GGPS1: variants seen among roughly 807,000 people sequenced by gnomAD.
GGPS1 encodes the protein geranylgeranyl pyrophosphate synthase.
Under a neutral mutation model 28.1 loss-of-function variants are expected in GGPS1, and 15 were observed. That is an observed-to-expected ratio of 0.53 (90% CI 0.36 to 0.82). The LOEUF is 0.82. GGPS1 is among the 40% of genes least tolerant of loss of function. GGPS1 has a pLI of 0.01. For missense variants in GGPS1, 284 were observed against 348.3 expected (o/e 0.82, Z 1.47); for synonymous variants, 138 against 122.4 (o/e 1.13, Z -0.84).
rs1177275683 is a variant in GGPS1 at position 235,342,477 on chromosome 1, G to T, written c.608G>T (p.Ser203Ile). Residue 203 changes from serine to isoleucine, a missense_variant, in exon 4 of 4, where the codon AGT becomes ATT. Transcript: ENST00000282841. ...TCCAAAGAATATAGTGAAAACAAAA[G>T]TTTTTGTGAAGATCTGACAGAGGGA... ...LHSKEYSENK[S>I]FCEDLTEGKF... 6.2e-7 allele frequency: 1 copy of T among 1,613,532 alleles called. No individual in the cohort carries two copies. The highest frequency in any genetic ancestry group is 8.5e-7 in the Non-Finnish European group (1 of 1,179,816).
chr1:235,342,755 A>G lies in GGPS1; in HGVS notation c.886A>G (p.Lys296Glu). Reference protein sequence around the residue: ...ALVKHLSKMFKEENE With the variant: ...ALVKHLSKMFEEENE ...AGTAAAACACTTAAGTAAGATGTTC[A>G]AAGAAGAAAATGAATAATGTTAAGC... The change falls in exon 4 of 4, where the codon AAA (lysine) becomes GAA (glutamate). Residue 296 changes from lysine to glutamate, a missense_variant. Coordinates refer to ENST00000282841, the MANE Select transcript of GGPS1 (RefSeq NM_004837.4). 2 of 1,578,672 alleles carry G rather than the reference A, an allele frequency of 1.3e-6. No individual in the cohort carries two copies. Among genetic ancestry groups the G allele is most frequent in the Non-Finnish European group, 1.7e-6 (2 of 1,164,932 alleles).
intron 1 of GGPS1, among the ~76,000 whole-genome samples, chr1:235,332,968 T>G (rs1675760240): frequency 6.8e-6 from 1 of 147,546 alleles, no homozygotes; most frequent in Non-Finnish European, 1.5e-5. Context: ...CTCAGAAGGC[T>G]GAGTCAGGAG....
intron 2 of GGPS1, among the ~76,000 whole-genome samples, chr1:235,338,106 C>T (rs934130925): frequency 6.6e-6 from 1 of 152,020 alleles, no homozygotes; most frequent in Non-Finnish European, 1.5e-5. Context: ...CTCAGCCAGG[C>T]GCGGTGGCTC....
chr1:235,331,689 G>A (rs1288164242), intron 1 of GGPS1, among the ~76,000 whole-genome samples: 3 of 147,212 alleles, frequency 2.0e-5, no homozygotes, highest in African/African-American at 7.6e-5. Flanking sequence ...AGGTTTCTGT[G>A]ACCCATGAGA....
At chr1:235,339,329 G>T (rs1299656774) in intron 2 of GGPS1, among the ~76,000 whole-genome samples, 1 of 151,680 alleles carries the variant, frequency 6.6e-6, no homozygotes, top group South Asian at 2.1e-4. Context: ...TTAGCTAGGC[G>T]TAGTGACGCA....
chr1:235,332,565 G>T lies in GGPS1; in HGVS notation c.-23-2677G>T, dbSNP rs1020350446. On this transcript the variant is annotated intron_variant, in intron 1 of 3. Transcript: ENST00000282841. ...TTTGGAAATTTTACTTTTGTGGCAC[G>T]TTGTTGGTATTTACTCAGGATCTTT... Among the ~76,000 whole-genome samples, 3 of 152,134 alleles carry T rather than the reference G, an allele frequency of 2.0e-5. No individual in the cohort carries two copies. The South Asian group carries it at 6.2e-4, about 31-fold the overall frequency.
chr1:235,333,917 T>C (rs1315677894), intron 1 of GGPS1, among the ~76,000 whole-genome samples: 1 of 152,132 alleles, frequency 6.6e-6, no homozygotes, highest in Non-Finnish European at 1.5e-5. Context: ...TCCCAAAATG[T>C]GCCAAAGATG....
chr1:235,337,500 A>G (rs948976759), intron 2 of GGPS1, among the ~76,000 whole-genome samples: 6 of 152,244 alleles, frequency 3.9e-5, no homozygotes, highest in African/African-American at 9.6e-5. Context: ...CACTATGCAC[A>G]TAACACACTT....
At chr1:235,328,138 G>T (rs1475573214), upstream of GGPS1, 1 of 153,158 alleles carries the variant, frequency 6.5e-6, no homozygotes. Flanking sequence ...CCTCCGCTTC[G>T]GCGACCGAGC....
At chr1:235,335,798 G>A (rs138892802) in intron 2 of GGPS1, among the ~76,000 whole-genome samples, 166 of 152,252 alleles carry the variant, frequency 1.1e-3, no homozygotes, top group Non-Finnish European at 1.9e-3. Flanking sequence ...CGGATATTAC[G>A]CATTCAGATT....
At chr1:235,337,245 CTT>C (rs1675896087) in intron 2 of GGPS1, among the ~76,000 whole-genome samples, 1 of 142,068 alleles carries the variant, frequency 7.0e-6, no homozygotes, top group Admixed American at 7.2e-5. Flanking sequence ...TTGAATGTCT[CTT>C]ACTCTGCTAC....
Position 235,344,040 on chromosome 1 carries a change from TAATATC to T in GGPS1, c.*1271_*1276del, listed in dbSNP as rs1237667718. 6.0e-6 allele frequency: 1 copy of T among 165,906 alleles called. No homozygotes were observed. Among genetic ancestry groups the T allele is most frequent in the Admixed American group, 6.6e-5 (1 of 15,064 alleles). The allele number at this position is 165,906 out of a possible 1,614,324, so 10.3% of individuals were successfully genotyped here. A position where few individuals can be genotyped will look rare whatever the true frequency, so the allele number is the denominator to read the frequency against. ...CCTGACTGAAAAGTAACCAAAGGCT[TAATATC>T]AAACACTAATTAGCTTTTTAGTGCC... On this transcript the variant is annotated 3_prime_UTR_variant, in exon 4 of 4. Coordinates refer to ENST00000282841, the MANE Select transcript of GGPS1 (RefSeq NM_004837.4).
At chr1:235,340,737 A>AAAAC (rs1676015149) in intron 2 of GGPS1, among the ~76,000 whole-genome samples, 1 of 145,584 alleles carries the variant, frequency 6.9e-6, no homozygotes, top group Admixed American at 6.8e-5. Context: ...CTCCGTCTCA[A>AAAAC]AAAAAAAAAA....
At chr1:235,339,328 C>T (rs962334259) in intron 2 of GGPS1, among the ~76,000 whole-genome samples, 2 of 151,316 alleles carry the variant, frequency 1.3e-5, no homozygotes, top group African/African-American at 4.9e-5. Context: ...ATTAGCTAGG[C>T]GTAGTGACGC....
chr1:235,341,194 G>A (rs1373367783), intron 2 of GGPS1, among the ~76,000 whole-genome samples: 2 of 152,036 alleles, frequency 1.3e-5, no homozygotes, highest in African/African-American at 4.8e-5. Flanking sequence ...GCCAGGCATG[G>A]TGTGTGCCTG....
intron 1 of GGPS1, chr1:235,330,045 A>C (rs972320097): frequency 1.3e-5 from 2 of 152,204 alleles, no homozygotes; most frequent in African/African-American, 4.8e-5. Flanking sequence ...ACACACACTA[A>C]TGCCTCTTTA....
intron 1 of GGPS1, among the ~76,000 whole-genome samples, chr1:235,332,119 A>C (rs1038524196): frequency 6.6e-6 from 1 of 152,208 alleles, no homozygotes; most frequent in Non-Finnish European, 1.5e-5. Context: ...TAGTTTTATC[A>C]CATGCATAGA....
chr1:235,341,848 C>CGGCCGGGCG, intron 3 of GGPS1, 70 bp downstream of exon 3: 1 of 1,015,838 alleles, frequency 9.8e-7, no homozygotes, highest in South Asian at 1.4e-5. Context: ...ATTCCTAGTT[C>CGGCCGGGCG]TTGATTGAAT....
chr1:235,334,928 G>C (rs908805772), intron 1 of GGPS1, among the ~76,000 whole-genome samples: 3 of 152,034 alleles, frequency 2.0e-5, no homozygotes, highest in Non-Finnish European at 4.4e-5. Context: ...AGTAGAGATG[G>C]TGTGAAGGCT....
Sources: gnomAD v4.1 joint callset for allele counts (sites outside exome capture counted in the v4.1 genomes callset) on GRCh38, gnomAD v4.1.1 for gene constraint, MANE v1.5 for transcripts, NCBI Gene and HGNC (gene_info 2026-07-23, HGNC 2026-07-21) for gene names.